Variants in RPTOR observed in about 807,000 individuals in gnomAD.
The protein encoded by RPTOR is regulatory-associated protein of mTOR.
In RPTOR, 21 loss-of-function variants were observed where a neutral mutation model predicts 169.9. The observed-to-expected ratio is 0.12, with a 90% CI of 0.09 to 0.18. The LOEUF (loss-of-function observed/expected upper bound fraction) is 0.18. Among genes scored for constraint, RPTOR ranks in the 10% least tolerant of loss-of-function variants. The probability of loss-of-function intolerance (pLI) is 1.00; values close to 1 mark genes in which losing one functional copy is unlikely to be tolerated. For synonymous variants in RPTOR, 732 were observed against 753.2 expected (o/e 0.97, Z 0.46); for missense variants, 1,133 against 1,855.9 (o/e 0.61, Z 7.16).
intron 13 of RPTOR, among the ~76,000 whole-genome samples, chr17:80,864,026 A>G (rs2067951492): frequency 6.6e-6 from 1 of 152,256 alleles, no homozygotes; most frequent in African/African-American, 2.4e-5. Flanking sequence ...GACAACGGCA[A>G]GTGACATAAC....
Position 80,947,470 on chromosome 17 carries a change from AG to A in RPTOR, c.3265+122del. ...TTACAGAAAGCCCTGCTCACACGCGAGGGCCACTGTCATTCAGAAGTGGGGA... is the reference window on the plus strand; with the variant it reads ...TTACAGAAAGCCCTGCTCACACGCGAGGCCACTGTCATTCAGAAGTGGGGA... On this transcript the variant is annotated intron_variant, in intron 27 of 33. Transcript: ENST00000306801. This position sits in a 1 kb window ranked among gnomAD's most constrained non-coding sequence, Gnocchi z 4.4. 1 of 1,300,420 alleles carries A rather than the reference AG, an allele frequency of 7.7e-7. No individual in the cohort carries two copies. The allele number at this position is 1,300,420 out of a possible 1,614,324, so 80.6% of individuals were successfully genotyped here.
chr17:80,889,735 G>T (rs570449805), intron 17 of RPTOR, among the ~76,000 whole-genome samples: 1 of 152,240 alleles, frequency 6.6e-6, no homozygotes, highest in Non-Finnish European at 1.5e-5. Flanking sequence ...GCAAAGGAGA[G>T]CTCTTTGCTG....
At chr17:80,697,446 A>G (rs1316559035) in intron 3 of RPTOR, among the ~76,000 whole-genome samples, 1 of 152,218 alleles carries the variant, frequency 6.6e-6, no homozygotes, top group Non-Finnish European at 1.5e-5. Context: ...AGGTTTCACC[A>G]GGGACCTGCC....
chr17:80,948,866 G>T (rs1485429114), intron 27 of RPTOR, among the ~76,000 whole-genome samples: 1 of 152,168 alleles, frequency 6.6e-6, no homozygotes, highest in Non-Finnish European at 1.5e-5. Context: ...TCCATTCTAA[G>T]CCCTGAAGAG....
chr17:80,628,262 G>A (rs182019843), intron 2 of RPTOR, among the ~76,000 whole-genome samples: 6 of 151,912 alleles, frequency 3.9e-5, no homozygotes, highest in Admixed American at 2.0e-4. Context: ...ATTTCTTTCC[G>A]CAGTTCCAAG....
At chr17:80,883,385 G>A (rs750106855) in intron 14 of RPTOR, 34 bp from the exon 15 acceptor site, 1 of 1,603,392 alleles carries the variant, frequency 6.2e-7, no homozygotes, top group South Asian at 1.1e-5. Context: ...TTTCCACTGA[G>A]GGGAGACGAC....
At chr17:80,639,719 AC>A (rs1354709206) in intron 2 of RPTOR, among the ~76,000 whole-genome samples, 2 of 152,194 alleles carry the variant, frequency 1.3e-5, no homozygotes, top group African/African-American at 4.8e-5. Context: ...AGATTGAGGA[AC>A]CCAGCTGGGA....
chr17:80,880,353 G>A (rs1043137072), intron 13 of RPTOR, 62 bp from the exon 14 acceptor site: 2 of 1,384,754 alleles, frequency 1.4e-6, no homozygotes, highest in Non-Finnish European at 2.1e-6. Flanking sequence ...CGCACCATGA[G>A]AAGCTTGTGG....
rs1336095169 is a variant in RPTOR at position 80,908,914 on chromosome 17, C to T, written c.2505C>T (p.Asn835=). ...CGGACGTGGCCATGAAAGTACTCAACAGCATCGCCTACAAGGTACGTGCCG... is the reference window on the plus strand; with the variant it reads ...CGGACGTGGCCATGAAAGTACTCAATAGCATCGCCTACAAGGTACGTGCCG... ...EVSDVAMKVL[N]SIAYKATVNA... The change falls in exon 21 of 34, where the codon AAC becomes AAT. Residue 835 remains asparagine (N), a synonymous_variant. Coordinates refer to ENST00000306801, the MANE Select transcript of RPTOR (RefSeq NM_020761.3). 8 of 1,613,462 alleles carry T rather than the reference C, an allele frequency of 5.0e-6. No homozygotes were observed. Among genetic ancestry groups the T allele is most frequent in the Non-Finnish European group, 6.8e-6 (8 of 1,179,384 alleles).
intron 3 of RPTOR, among the ~76,000 whole-genome samples, chr17:80,668,577 C>A (rs2065798437): frequency 6.6e-6 from 1 of 152,200 alleles, no homozygotes; most frequent in Admixed American, 6.5e-5. Flanking sequence ...GAAGATGACA[C>A]CCCCGTCTCC....
At chr17:80,886,229 C>G (rs927362864) in intron 17 of RPTOR, among the ~76,000 whole-genome samples, 1 of 152,222 alleles carries the variant, frequency 6.6e-6, no homozygotes, top group Non-Finnish European at 1.5e-5. Context: ...TTGGGAGGGA[C>G]GTGACCCGGA....
intron 33 of RPTOR, 22 bp from the exon 34 acceptor site, chr17:80,964,240 C>A (rs766007485): frequency 1.3e-6 from 2 of 1,599,848 alleles, no homozygotes; most frequent in South Asian, 2.2e-5. Context: ...AACCCCTGCT[C>A]ACCCCTTCTC....
At chr17:80,665,270 C>T (rs115295657) in intron 3 of RPTOR, among the ~76,000 whole-genome samples, 194 of 151,634 alleles carry the variant, frequency 1.3e-3, no homozygotes, top group African/African-American at 4.2e-3. Context: ...CCCTCATTAC[C>T]GGCGTGCATC....
At chr17:80,830,079 G>A (rs796142985) in intron 9 of RPTOR, among the ~76,000 whole-genome samples, 23 of 152,266 alleles carry the variant, frequency 1.5e-4, no homozygotes, top group African/African-American at 5.3e-4. Context: ...CTAGATCCTC[G>A]TAGGAGAAGA....
intron 1 of RPTOR, among the ~76,000 whole-genome samples, chr17:80,576,382 A>G (rs1230299672): frequency 1.3e-5 from 2 of 152,262 alleles, no homozygotes; most frequent in African/African-American, 4.8e-5. Flanking sequence ...TGAAAAAAGT[A>G]CAACGTCCGT....
At position 80,746,452 on chromosome 17, in the gene RPTOR, C is replaced by T. The variant is rs890829459; in HGVS notation, c.655-7558C>T. On this transcript the variant is annotated intron_variant, in intron 5 of 33. Coordinates refer to ENST00000306801, the MANE Select transcript of RPTOR (RefSeq NM_020761.3). This position sits in a 1 kb window ranked among gnomAD's most constrained non-coding sequence, Gnocchi z 4.5. ...GTGCACTGACTCCACATTACCCACA[C>T]GTGGGAACAATGCAGCAGATGTCTT... Among the ~76,000 whole-genome samples the T allele has an allele frequency of 6.6e-6, 1 of 152,264 alleles. No homozygotes were observed. Among genetic ancestry groups the T allele is most frequent in the African/African-American group, 2.4e-5 (1 of 41,474 alleles).
At chr17:80,654,391 G>A (rs1283366046) in intron 3 of RPTOR, among the ~76,000 whole-genome samples, 1 of 152,220 alleles carries the variant, frequency 6.6e-6, no homozygotes, top group African/African-American at 2.4e-5. Context: ...GGCCCAGCAC[G>A]TGGAAGACGG....
rs377659651 is a variant in RPTOR at position 80,870,923 on chromosome 17, T to C, written c.1510-9492T>C. 4.6e-5 allele frequency among the ~76,000 whole-genome samples: 7 copies of C among 152,326 alleles called. No homozygotes were observed. The East Asian group carries it at 1.3e-3, about 29-fold the overall frequency. The stretch of plus-strand genomic sequence containing the variant: ...TTATTAACTGCAGTTGATACTCTCA[T>C]CAGATTTTCTTGCTAATGTCCTTTT... On this transcript the variant is annotated intron_variant, in intron 13 of 33. Transcript: ENST00000306801.
chr17:80,901,186 C>T (rs1034440115), intron 20 of RPTOR, among the ~76,000 whole-genome samples: 4 of 152,092 alleles, frequency 2.6e-5, no homozygotes, highest in Non-Finnish European at 4.4e-5. Context: ...GTACTGGTCT[C>T]GGTGGAGTAC....
Sources: allele counts gnomAD v4.1 joint callset (sites outside exome capture counted in the v4.1 genomes callset), GRCh38; gene constraint gnomAD v4.1.1; non-coding constraint Gnocchi (gnomAD v3.1); transcripts MANE v1.5; gene names NCBI Gene and HGNC (gene_info 2026-07-23, HGNC 2026-07-21).